The following NFASC variants were observed in gnomAD, a reference collection of about 807,000 sequenced individuals.
The protein encoded by NFASC is neurofascin homolog.
A neutral mutation model predicts 147.5 loss-of-function variants in NFASC; 43 were observed. The ratio of observed to expected loss-of-function variants is 0.29; its 90% confidence interval spans 0.23 to 0.38. The LOEUF is 0.38. Ranked by LOEUF, NFASC falls within the 10% of genes least tolerant of loss-of-function variation. The pLI is 1.00. For synonymous variants in NFASC, 622 were observed against 665.5 expected, an observed-to-expected ratio of 0.93 and a Z score of 1.01; for missense variants, 1,320 against 1,689.0, an observed-to-expected ratio of 0.78 and a Z score of 3.83.
At chr1:204,860,950 G>A (rs749593859) in intron 1 of NFASC, among the ~76,000 whole-genome samples, 1 of 150,892 alleles carries the variant, frequency 6.6e-6, no homozygotes, top group Non-Finnish European at 1.5e-5. Flanking sequence ...TCTATATATG[G>A]CACATTTTTA....
chr1:204,997,727 A>G, intron 25 of NFASC: 1 of 463,140 alleles, frequency 2.2e-6, no homozygotes, highest in Non-Finnish European at 4.0e-6. Flanking sequence ...CAGGTTCCAG[A>G]TGTTAGGACC....
chr1:204,934,947 T>C (rs58018614), intron 2 of NFASC, among the ~76,000 whole-genome samples: 2,973 of 152,320 alleles, frequency 0.02, 87 homozygotes, highest in African/African-American at 0.068. Flanking sequence ...GAGTTCTCTG[T>C]GTGCTGGACG....
At chr1:204,949,522 T>C (rs1453935450) in intron 3 of NFASC, among the ~76,000 whole-genome samples, 1 of 152,256 alleles carries the variant, frequency 6.6e-6, no homozygotes, top group Non-Finnish European at 1.5e-5. Context: ...TTCTGATATA[T>C]TCATCAGGAA....
intron 1 of NFASC, among the ~76,000 whole-genome samples, chr1:204,902,703 G>A (rs970756301): frequency 2.6e-5 from 4 of 152,158 alleles, no homozygotes; most frequent in South Asian, 4.1e-4. Flanking sequence ...GAGTCGTTAT[G>A]CTTTTTCTAC....
intron 24 of NFASC, among the ~76,000 whole-genome samples, chr1:204,991,663 C>T (rs977894585): frequency 1.3e-5 from 2 of 152,268 alleles, no homozygotes; most frequent in East Asian, 1.9e-4. Flanking sequence ...GGCTTGACAG[C>T]TCAGAGCAGT....
chr1:204,977,986 C>T (rs568386256), intron 17 of NFASC, among the ~76,000 whole-genome samples: 43 of 152,326 alleles, frequency 2.8e-4, no homozygotes, highest in African/African-American at 9.9e-4. Flanking sequence ...CCACACTCAC[C>T]GCTCCCTCAG....
chr1:204,951,911 G>C (rs1411100076), intron 4 of NFASC, 100 bp from the exon 5 acceptor site: 1 of 881,920 alleles, frequency 1.1e-6, no homozygotes, highest in African/African-American at 1.7e-5. Context: ...TTGCCTGCTT[G>C]CATGTGTGGC....
At chr1:205,007,504 G>T (rs912185931) in intron 27 of NFASC, among the ~76,000 whole-genome samples, 49 of 150,924 alleles carry the variant, frequency 3.2e-4, no homozygotes, top group African/African-American at 1.2e-3. Flanking sequence ...AAGGGAGGGA[G>T]GGAAGGAAGG....
intron 1 of NFASC, among the ~76,000 whole-genome samples, chr1:204,914,660 C>T (rs898567303): frequency 1.3e-5 from 2 of 152,166 alleles, no homozygotes; most frequent in African/African-American, 2.4e-5. Flanking sequence ...CTGTGTATCA[C>T]ATTGTCAGAG....
At chr1:204,844,751 T>C (rs1424825332) in intron 1 of NFASC, among the ~76,000 whole-genome samples, 1 of 152,088 alleles carries the variant, frequency 6.6e-6, no homozygotes, top group Non-Finnish European at 1.5e-5. Flanking sequence ...TTAAATAAAC[T>C]TGAGAGGGGC....
chr1:204,924,830 G>A (rs1346817089), intron 2 of NFASC, among the ~76,000 whole-genome samples: 7 of 152,198 alleles, frequency 4.6e-5, no homozygotes, highest in African/African-American at 1.7e-4. Flanking sequence ...TATACCAGCT[G>A]TAACTTGGGG....
Position 204,984,321 on chromosome 1 carries a change from TTATATATATATGTGTGTGTGTGTG to T in NFASC, c.2470+2313_2470+2336del, listed in dbSNP as rs2095564011. The T allele has an allele frequency of 1.1e-4, 56 of 494,660 alleles. No individual in the cohort carries two copies. In the South Asian group the frequency reaches 1.3e-3, roughly 11 times the overall value. 30.6% of individuals were successfully genotyped at this position (494,660 alleles called of 1,614,324 possible). A position where few individuals can be genotyped will look rare whatever the true frequency, so the allele number is the denominator to read the frequency against. On this transcript the variant is annotated intron_variant, in intron 21 of 29. Coordinates refer to ENST00000339876, the MANE Select transcript of NFASC (RefSeq NM_001005388.3). ...TCAAAAATATACCCAGAAAAAAAAA[TTATATATATATGTGTGTGTGTGTG>T]TATATATATATATGTGTGTGTGTGT...
rs187810650 is a variant in NFASC at position 204,897,056 on chromosome 1, C to A, written c.-199-23576C>A. ...AGAAATACTGACTGTAGGTTCCCCC[C>A]CTTCCCCCCGACCCAGACATGCTGA... is the stretch of plus-strand genomic sequence containing the variant. On this transcript the variant is annotated intron_variant, in intron 1 of 29. Transcript: ENST00000339876. 4.6e-5 allele frequency among the ~76,000 whole-genome samples: 7 copies of A among 151,906 alleles called. No homozygotes were observed. In the East Asian group the frequency reaches 9.7e-4, roughly 21 times the overall value.
Position 204,987,637 on chromosome 1 carries a change from T to A in NFASC, c.2593+97T>A. On this transcript the variant is annotated intron_variant, in intron 22 of 29. Transcript: ENST00000339876. The surrounding 1 kb of genome is among the most constrained non-coding windows in gnomAD (Gnocchi z 4.4). ...GGACTCAAGGTAGAAAGCCTGTGGG[T>A]GCAGATGGCATTGTGGAGGGATGGA... 1 of 1,440,354 alleles carries A rather than the reference T, an allele frequency of 6.9e-7. No individual in the cohort carries two copies. The highest frequency in any genetic ancestry group is 2.3e-5 in the East Asian group (1 of 43,976). The allele number at this position is 1,440,354 out of a possible 1,614,324, so 89.2% of individuals were successfully genotyped here.
Position 205,019,397 on chromosome 1 carries a change from A to G in NFASC, c.*2858A>G, listed in dbSNP as rs1222680957. 2.0e-5 allele frequency: 3 copies of G among 152,276 alleles called. No homozygotes were observed. Among genetic ancestry groups the G allele is most frequent in the East Asian group, 3.9e-4 (2 of 5,190 alleles). 9.4% of individuals were successfully genotyped at this position (152,276 alleles called of 1,614,324 possible). On this transcript the variant is annotated 3_prime_UTR_variant, in exon 30 of 30. Coordinates refer to ENST00000339876, the MANE Select transcript of NFASC (RefSeq NM_001005388.3). ...GTGCTGGGCATCTTACAGTAACTCT[A>G]GAAGTTCCTTTGACTAGGCTGCAAT... is the stretch of plus-strand genomic sequence containing the variant.
intron 12 of NFASC, 54 bp from the exon 13 acceptor site, chr1:204,974,125 A>C: frequency 9.9e-6 from 14 of 1,412,076 alleles, no homozygotes; most frequent in Non-Finnish European, 1.1e-5. Context: ...CCGAGGGGGA[A>C]GAGATGGAAG....
rs142536240 is a variant in NFASC at position 204,954,290 on chromosome 1, C to T, written c.318C>T (p.Gly106=). ...CCCTGGTGATTGACTTCCGCAGTGG[C>T]GGGCGGCCGGAGGAATATGAGGGGG... ...SGTLVIDFRS[G]GRPEEYEGEY... Residue 106 remains glycine (G), a synonymous_variant, in exon 6 of 30, where the codon GGC becomes GGT. Coordinates refer to ENST00000339876, the MANE Select transcript of NFASC (RefSeq NM_001005388.3). This position sits in a 1 kb window ranked among gnomAD's most constrained non-coding sequence, Gnocchi z 5.7. 790 of 1,614,148 alleles carry T rather than the reference C, an allele frequency of 4.9e-4. 1 individual carries two copies. The highest frequency in any genetic ancestry group is 4.5e-4 in the Non-Finnish European group (531 of 1,180,018).
In NFASC at chr1:204,954,149, C is replaced by G; in HGVS notation, c.216-39C>G. 1.3e-6 allele frequency: 2 copies of G among 1,590,112 alleles called. No individual in the cohort carries two copies. Among genetic ancestry groups the G allele is most frequent in the Non-Finnish European group, 1.7e-6 (2 of 1,158,924 alleles). The stretch of plus-strand genomic sequence containing the variant: ...ATCTGCCTGGAGCCCAGAGCCCACC[C>G]CATTCGTCTTGGTTGCCACTGCTCC... On this transcript the variant is annotated intron_variant, in intron 5 of 29. Transcript: ENST00000339876. The surrounding 1 kb of genome is among the most constrained non-coding windows in gnomAD (Gnocchi z 5.7).
intron 28 of NFASC, among the ~76,000 whole-genome samples, chr1:205,011,558 G>A (rs1461902666): frequency 6.6e-6 from 1 of 152,188 alleles, no homozygotes; most frequent in Non-Finnish European, 1.5e-5. Context: ...CTTTCAGAAA[G>A]TATCTCATTC....
Sources: gnomAD v4.1 joint callset for allele counts (sites outside exome capture counted in the v4.1 genomes callset) on GRCh38, gnomAD v4.1.1 for gene constraint, Gnocchi (gnomAD v3.1) non-coding constraint, MANE v1.5 for transcripts, NCBI Gene and HGNC (gene_info 2026-07-23, HGNC 2026-07-21) for gene names.